CNGB1: variants seen among roughly 807,000 people sequenced by gnomAD.
CNGB1 encodes the protein cyclic nucleotide gated channel subunit beta 1.
In CNGB1, 126 loss-of-function variants were observed where a neutral mutation model predicts 151.7. That is an observed-to-expected ratio of 0.83 (90% CI 0.72 to 0.96). The LOEUF (loss-of-function observed/expected upper bound fraction) is 0.96. Ranked by LOEUF, CNGB1 falls within the 40% of genes least tolerant of loss-of-function variation. CNGB1 has a pLI of 0.00. For synonymous variants in CNGB1, 623 were observed against 635.1 expected (o/e 0.98, Z 0.29); for missense variants, 1,698 against 1,627.0 (o/e 1.04, Z -0.75).
chr16:57,923,492 T>TG, intron 17 of CNGB1, 112 bp from the exon 18 acceptor site: 4 of 866,662 alleles, frequency 4.6e-6, no homozygotes, highest in Non-Finnish European at 7.4e-6. Context: ...AGATAGAGGA[T>TG]GGGGGGCGGA....
At chr16:57,910,111 T>C (rs1960668854) in intron 25 of CNGB1, among the ~76,000 whole-genome samples, 1 of 152,198 alleles carries the variant, frequency 6.6e-6, no homozygotes, top group African/African-American at 2.4e-5. Context: ...GGCCAAGGGC[T>C]TTCCCGAGTT....
intron 9 of CNGB1, 53 bp downstream of exon 9, chr16:57,960,429 G>A (rs937629518): frequency 6.3e-7 from 1 of 1,595,872 alleles, no homozygotes; most frequent in African/African-American, 1.3e-5. Flanking sequence ...TGATCCCTGA[G>A]CCCAGCCCGT....
Position 57,962,881 on chromosome 16 carries a change from G to A in CNGB1, c.382-9C>T. 2 of 1,611,670 alleles carry A rather than the reference G, an allele frequency of 1.2e-6. No homozygotes were observed. Among genetic ancestry groups the A allele is most frequent in the Non-Finnish European group, 1.7e-6 (2 of 1,179,776 alleles). On this transcript the variant is annotated splice_polypyrimidine_tract_variant and intron_variant, in intron 5 of 32. Coordinates refer to ENST00000251102, the MANE Select transcript of CNGB1 (RefSeq NM_001297.5). Reference sequence around the variant, plus strand: ...CTGCCATGCCCCAGGATCTGCCAGGGACAGACAGACAGACATGGGCAGGGA... The same window carrying A: ...CTGCCATGCCCCAGGATCTGCCAGGAACAGACAGACAGACATGGGCAGGGA...
intron 17 of CNGB1, among the ~76,000 whole-genome samples, chr16:57,930,403 G>A (rs117296887): frequency 0.031 from 4,675 of 151,932 alleles, 105 homozygotes; most frequent in Middle Eastern, 0.065. Context: ...GCTGAGAAGG[G>A]GAAATGCTTG....
chr16:57,945,608 T>C (rs966129506), intron 14 of CNGB1, among the ~76,000 whole-genome samples: 7 of 152,254 alleles, frequency 4.6e-5, no homozygotes, highest in Non-Finnish European at 1.0e-4. Context: ...CTGCCAGATG[T>C]TGTTCTGGTG....
intron 29 of CNGB1, among the ~76,000 whole-genome samples, chr16:57,899,627 G>A (rs192661281): frequency 1.1e-3 from 171 of 152,240 alleles, no homozygotes; most frequent in Admixed American, 0.01. Context: ...GAGAGAGAGT[G>A]GGACTTGGTC....
intron 31 of CNGB1, among the ~76,000 whole-genome samples, chr16:57,891,534 T>C (rs1960089825): frequency 6.6e-6 from 1 of 152,110 alleles, no homozygotes; most frequent in South Asian, 2.1e-4. Context: ...ACTTGTCTTA[T>C]GTGTGTTTCT....
intron 14 of CNGB1, chr16:57,946,763 G>A (rs1961820355): frequency 6.6e-6 from 1 of 152,318 alleles, no homozygotes; most frequent in Admixed American, 6.5e-5. Flanking sequence ...TGACAGCCCA[G>A]TTTTTCTTGC....
chr16:57,896,356 C>T (rs1392455693), intron 31 of CNGB1, among the ~76,000 whole-genome samples: 1 of 152,190 alleles, frequency 6.6e-6, no homozygotes, highest in Non-Finnish European at 1.5e-5. Flanking sequence ...CAAAAATGCA[C>T]ACTCTAATGG....
At chr16:57,888,800 C>T (rs1960008973) in intron 31 of CNGB1, among the ~76,000 whole-genome samples, 1 of 152,106 alleles carries the variant, frequency 6.6e-6, no homozygotes, top group Non-Finnish European at 1.5e-5. Context: ...CTGAAGGACA[C>T]TTTCACATAG....
chr16:57,921,140 A>G (rs1378182833), intron 18 of CNGB1, among the ~76,000 whole-genome samples: 1 of 148,892 alleles, frequency 6.7e-6, no homozygotes, highest in African/African-American at 2.5e-5. Context: ...TTTTTTTCAT[A>G]CATTAGGACA....
At chr16:57,891,820 G>T (rs1162397819) in intron 31 of CNGB1, among the ~76,000 whole-genome samples, 1 of 152,136 alleles carries the variant, frequency 6.6e-6, no homozygotes, top group African/African-American at 2.4e-5. Flanking sequence ...GCCTCCCAAA[G>T]TGCTGGGATT....
At chr16:57,969,928 A>G (rs974767690) in intron 1 of CNGB1, among the ~76,000 whole-genome samples, 4 of 152,140 alleles carry the variant, frequency 2.6e-5, no homozygotes, top group Non-Finnish European at 5.9e-5. Context: ...GAGAGTCTGT[A>G]TGCCCCTTTC....
chr16:57,923,406 G>T, intron 17 of CNGB1, 26 bp from the exon 18 acceptor site: 2 of 1,587,512 alleles, frequency 1.3e-6, no homozygotes, highest in Non-Finnish European at 1.7e-6. Flanking sequence ...TGTGGAAGGG[G>T]CCTTCAGCAA....
At chr16:57,948,223 A>C (rs371971362) in intron 14 of CNGB1, among the ~76,000 whole-genome samples, 2 of 152,002 alleles carry the variant, frequency 1.3e-5, no homozygotes, top group African/African-American at 4.8e-5. Flanking sequence ...TCTCCTGCTC[A>C]TGAACCTTCA....
At chr16:57,909,759 C>T (rs1960657137) in intron 25 of CNGB1, among the ~76,000 whole-genome samples, 1 of 152,162 alleles carries the variant, frequency 6.6e-6, no homozygotes, top group Admixed American at 6.5e-5. Flanking sequence ...ATGCCCACCT[C>T]CCCCACTCCC....
At chr16:57,914,409 G>A (rs57939948) in intron 23 of CNGB1, among the ~76,000 whole-genome samples, 5,513 of 152,282 alleles carry the variant, frequency 0.036, 323 homozygotes, top group African/African-American at 0.12. Flanking sequence ...ATTCCACATA[G>A]GTGTGCTTTC....
chr16:57,952,318 TC>T (rs1348950347), intron 12 of CNGB1, among the ~76,000 whole-genome samples: 1 of 152,092 alleles, frequency 6.6e-6, no homozygotes, highest in African/African-American at 2.4e-5. Context: ...CAGTGCACTA[TC>T]CCAGGTGATA....
intron 29 of CNGB1, among the ~76,000 whole-genome samples, chr16:57,898,755 C>A (rs771188490): frequency 4.6e-5 from 7 of 152,198 alleles, no homozygotes; most frequent in Non-Finnish European, 8.8e-5. Flanking sequence ...TCCTCAACAA[C>A]CCTCAGAGTC....
Sources: gnomAD v4.1 joint callset for allele counts (sites outside exome capture counted in the v4.1 genomes callset) on GRCh38, gnomAD v4.1.1 for gene constraint, MANE v1.5 for transcripts, NCBI Gene and HGNC (gene_info 2026-07-23, HGNC 2026-07-21) for gene names.